The following PRPF6 variants were observed in gnomAD, a reference collection of about 807,000 sequenced individuals.
The protein encoded by PRPF6 is pre-mRNA-processing factor 6.
PRPF6 carries 42 observed loss-of-function variants against 118.3 expected under a neutral mutation model. The ratio of observed to expected loss-of-function variants is 0.35; its 90% CI spans 0.28 to 0.46. The LOEUF (loss-of-function observed/expected upper bound fraction) is 0.46. Among genes scored for constraint, PRPF6 ranks in the 20% least tolerant of loss-of-function variants. The pLI is 1.00. For synonymous variants in PRPF6, 481 were observed against 485.1 expected, an observed-to-expected ratio of 0.99 and a Z score of 0.11; for missense variants, 662 against 1,255.7, an observed-to-expected ratio of 0.53 and a Z score of 7.15.
intron 6 of PRPF6, among the ~76,000 whole-genome samples, chr20:63,995,863 G>T (rs900762923): frequency 1.3e-5 from 2 of 151,866 alleles, no homozygotes; most frequent in Non-Finnish European, 2.9e-5. Context: ...TACCATGTTG[G>T]CCAGGCTGGT....
chr20:64,021,503 CT>C (rs2059263155), intron 12 of PRPF6, among the ~76,000 whole-genome samples: 1 of 121,088 alleles, frequency 8.3e-6, no homozygotes, highest in African/African-American at 3.3e-5. Context: ...AGCCCTGTGT[CT>C]GTGTGTGTGC....
At chr20:63,989,834 A>T (rs766451787) in intron 3 of PRPF6, among the ~76,000 whole-genome samples, 1 of 151,994 alleles carries the variant, frequency 6.6e-6, no homozygotes, top group Non-Finnish European at 1.5e-5. Flanking sequence ...TATACATGTA[A>T]TCATAACTTC....
intron 13 of PRPF6, among the ~76,000 whole-genome samples, chr20:64,023,801 C>A (rs943592489): frequency 3.3e-5 from 5 of 152,160 alleles, no homozygotes; most frequent in South Asian, 2.1e-4. Flanking sequence ...CGGCCCGTGA[C>A]CTGAATATGA....
At position 64,022,771 on chromosome 20, in the gene PRPF6, T is replaced by C; in HGVS notation, c.1662T>C (p.Asn554=). 1 of 1,614,096 alleles carries C rather than the reference T, an allele frequency of 6.2e-7. No homozygotes were observed. The highest frequency in any genetic ancestry group is 8.5e-7 in the Non-Finnish European group (1 of 1,180,020). The change falls in exon 13 of 21, where the codon AAT becomes AAC. Residue 554 remains asparagine (N), a synonymous_variant. Transcript: ENST00000266079. ...MEDADSCVAH[N]ALECARAIYA... is the part of the protein sequence containing the mutation. ...CTCTGCTCTAGTGTGTAGCCCACAA[T>C]GCCCTGGAGTGTGCACGAGCCATCT...
At chr20:64,021,399 CCT>C (rs1252572003) in intron 12 of PRPF6, among the ~76,000 whole-genome samples, 1 of 150,306 alleles carries the variant, frequency 6.7e-6, no homozygotes, top group Non-Finnish European at 1.5e-5. Context: ...GAGCCACAGC[CCT>C]GTGTCTGTGT....
intron 9 of PRPF6, among the ~76,000 whole-genome samples, chr20:64,006,629 G>A (rs2059190822): frequency 6.6e-6 from 1 of 152,196 alleles, no homozygotes; most frequent in Admixed American, 6.5e-5. Context: ...CTTTGGACCA[G>A]CTCTCTTGAC....
intron 3 of PRPF6, among the ~76,000 whole-genome samples, chr20:63,986,269 C>T (rs1013327939): frequency 2.1e-5 from 3 of 141,854 alleles, no homozygotes; most frequent in Non-Finnish European, 4.5e-5. Flanking sequence ...CGCTTGAACT[C>T]GGGAGGTGGA....
At chr20:63,999,796 G>GCGTGATTGTGGCCCCTA in intron 8 of PRPF6, 37 bp downstream of exon 8, 1 of 1,611,176 alleles carries the variant, frequency 6.2e-7, no homozygotes. Flanking sequence ...CTGGGAGGCT[G>GCGTGATTGTGGCCCCTA]CGTGATTGTG....
Position 64,001,036 on chromosome 20 carries a change from G to A in PRPF6, c.1024-41G>A, listed in dbSNP as rs201511641. ...GCCTGCTGCCCTGTTGCGGCTTCCA[G>A]CCTGCACTGAGCCTTATTGGTCTTA... On this transcript the variant is annotated intron_variant, in intron 8 of 20. Transcript: ENST00000266079. The A allele has an allele frequency of 5.2e-5, 83 of 1,608,894 alleles. No homozygotes were observed. The East Asian group carries it at 1.9e-3, about 36-fold the overall frequency.
At chr20:63,999,799 T>A in intron 8 of PRPF6, 40 bp downstream of exon 8, 1 of 1,610,634 alleles carries the variant, frequency 6.2e-7, no homozygotes, top group Non-Finnish European at 8.5e-7. Flanking sequence ...GGAGGCTGCG[T>A]GATTGTGGCC....
In PRPF6 at chr20:64,001,116, G is replaced by A. The variant is rs761740053; in HGVS notation, c.1063G>A (p.Gly355Arg). The change falls in exon 9 of 21, where the codon GGG becomes AGG. Residue 355 changes from glycine to arginine, a missense_variant. Physicochemically the swap from Gly to Arg is moderately radical, Grantham distance 125. This residue lies in a region of PRPF6 where 71 missense variants were observed against 166.4 expected (regional missense o/e 0.43). Transcript: ENST00000266079. Reference protein sequence around the residue: ...VWLEAARLQPGDTAKAVVAQA... With the variant: ...VWLEAARLQPRDTAKAVVAQA... ...GCTGGAAGCAGCCAGGTTGCAGCCT[G>A]GGGACACAGCCAAGGCCGTGGTAGC... 1.2e-6 allele frequency: 2 copies of A among 1,614,178 alleles called. No homozygotes were observed. Among genetic ancestry groups the A allele is most frequent in the East Asian group, 2.2e-5 (1 of 44,884 alleles).
At chr20:63,983,263 C>G in intron 2 of PRPF6, 48 bp downstream of exon 2, 2 of 1,610,968 alleles carry the variant, frequency 1.2e-6, no homozygotes, top group Non-Finnish European at 1.7e-6. Context: ...TCTCTGGGAG[C>G]AGCTGACCTA....
chr20:64,022,996 G>T, intron 13 of PRPF6, 118 bp downstream of exon 13: 4 of 1,501,102 alleles, frequency 2.7e-6, no homozygotes, highest in Non-Finnish European at 3.7e-6. Context: ...TTTGAGGTCT[G>T]GCCCTCTGGT....
chr20:63,990,572 C>T (rs746746653), intron 3 of PRPF6, among the ~76,000 whole-genome samples: 11 of 151,514 alleles, frequency 7.3e-5, no homozygotes, highest in Non-Finnish European at 1.0e-4. Context: ...CTGGCTCAAG[C>T]GATTCTCCTG....
intron 11 of PRPF6, among the ~76,000 whole-genome samples, chr20:64,015,213 G>T (rs2059231605): frequency 6.6e-6 from 1 of 152,232 alleles, no homozygotes; most frequent in Admixed American, 6.5e-5. Flanking sequence ...AAAGCAGTTT[G>T]CATTCAGTAG....
At chr20:63,993,369 A>G in intron 3 of PRPF6, 38 bp from the exon 4 acceptor site, 1 of 1,509,018 alleles carries the variant, frequency 6.6e-7, no homozygotes, top group Non-Finnish European at 9.2e-7. Context: ...CAGAACAGAC[A>G]TGCAGTGTTT....
chr20:64,019,211 A>G (rs1290422775), intron 12 of PRPF6, among the ~76,000 whole-genome samples: 1 of 151,030 alleles, frequency 6.6e-6, no homozygotes, highest in Non-Finnish European at 1.5e-5. Context: ...GGTTCAAGCA[A>G]TTCTCCTGCC....
rs375160895 is a variant in PRPF6 at position 64,032,067 on chromosome 20, C to T, written c.2673+23C>T. The T allele has an allele frequency of 1.1e-4, 171 of 1,613,576 alleles. 1 individual carries two copies. Among genetic ancestry groups the T allele is most frequent in the South Asian group, 1.0e-3 (91 of 91,078 alleles). On this transcript the variant is annotated intron_variant, in intron 20 of 20. Coordinates refer to ENST00000266079, the MANE Select transcript of PRPF6 (RefSeq NM_012469.4). ...GAGGTGAGGCCCCTCGACAGACCGC[C>T]GCTCAGTGCCTTCTGGGACTGTGGC...
chr20:64,032,256 C>A (rs928732518), intron 20 of PRPF6, among the ~76,000 whole-genome samples: 5 of 152,214 alleles, frequency 3.3e-5, no homozygotes, highest in African/African-American at 1.2e-4. Context: ...AGCCTCACAG[C>A]TCCACACCCT....
Sources: allele counts gnomAD v4.1 joint callset (sites outside exome capture counted in the v4.1 genomes callset), GRCh38; gene constraint gnomAD v4.1.1; regional missense constraint gnomAD v4.1.1; transcripts MANE v1.5; gene names NCBI Gene and HGNC (gene_info 2026-07-23, HGNC 2026-07-21).